RAD51B: variants seen among roughly 807,000 people sequenced by gnomAD.
RAD51B encodes DNA repair protein RAD51 homolog 2.
Under a neutral mutation model 42.2 loss-of-function variants are expected in RAD51B, and 38 were observed. That is an observed-to-expected ratio of 0.90 (90% CI 0.70 to 1.18). The LOEUF (loss-of-function observed/expected upper bound fraction) is 1.18, where lower values mean the gene tolerates loss of function less well. RAD51B is among the 50% of genes most tolerant of loss of function. RAD51B has a pLI of 0.00. For synonymous variants in RAD51B, 154 were observed against 145.2 expected (o/e 1.06, Z -0.43); for missense variants, 373 against 400.7 (o/e 0.93, Z 0.59).
At chr14:68,106,432 G>T (rs1011773079) in intron 7 of RAD51B, among the ~76,000 whole-genome samples, 1 of 151,746 alleles carries the variant, frequency 6.6e-6, no homozygotes, top group Non-Finnish European at 1.5e-5. Flanking sequence ...ATTTCCAGTT[G>T]TTCTGTCAAA....
At chr14:68,585,260 C>T (rs1054209712) in intron 10 of RAD51B, among the ~76,000 whole-genome samples, 2 of 152,246 alleles carry the variant, frequency 1.3e-5, no homozygotes, top group Non-Finnish European at 2.9e-5. Context: ...GCTGTCTCCC[C>T]ATGGGGAATT....
chr14:68,681,861 C>T (rs1267736579), intron 11 of RAD51B, among the ~76,000 whole-genome samples: 4 of 152,114 alleles, frequency 2.6e-5, no homozygotes, highest in Non-Finnish European at 5.9e-5. Flanking sequence ...TGCATACATG[C>T]CATGCATATG....
At chr14:68,405,483 T>C (rs1251404450) in intron 8 of RAD51B, among the ~76,000 whole-genome samples, 1 of 152,162 alleles carries the variant, frequency 6.6e-6, no homozygotes, top group African/African-American at 2.4e-5. Context: ...ATCATTAACT[T>C]TCAAGGCCTT....
At chr14:68,618,285 C>T (rs1891867619) in intron 10 of RAD51B, among the ~76,000 whole-genome samples, 1 of 152,150 alleles carries the variant, frequency 6.6e-6, no homozygotes, top group Non-Finnish European at 1.5e-5. Flanking sequence ...TAGTTGTGCT[C>T]AGGCAAAAAG....
rs558544768 is a variant in RAD51B, at chr14:68,091,126, A to G, written c.757-200758A>G. ...TTGTTGGACATTTGGGTTGGTCCCA[A>G]GTCTTTGCTATTGTGAATAGTGCCG... On this transcript the variant is annotated intron_variant, in intron 7 of 10. Coordinates refer to ENST00000471583, the MANE Select transcript of RAD51B (RefSeq NM_133510.4). Among the ~76,000 whole-genome samples, 16 of 152,148 alleles carry G rather than the reference A, an allele frequency of 1.1e-4. No individual in the cohort carries two copies. In the South Asian group the frequency reaches 3.3e-3, roughly 32 times the overall value.
At chr14:68,671,332 A>G (rs1893153135) in intron 11 of RAD51B, among the ~76,000 whole-genome samples, 1 of 152,200 alleles carries the variant, frequency 6.6e-6, no homozygotes, top group African/African-American at 2.4e-5. Flanking sequence ...TTACAGTGAA[A>G]AAGAAGCTTT....
At chr14:67,977,571 C>G (rs2075018906) in intron 7 of RAD51B, among the ~76,000 whole-genome samples, 1 of 152,190 alleles carries the variant, frequency 6.6e-6, no homozygotes, top group Non-Finnish European at 1.5e-5. Flanking sequence ...CTGGCCAAGC[C>G]CTTTGGCAAA....
chr14:68,518,978 C>G (rs1328724920), intron 10 of RAD51B, among the ~76,000 whole-genome samples: 2 of 152,254 alleles, frequency 1.3e-5, no homozygotes, highest in Admixed American at 1.3e-4. Flanking sequence ...CATCCGGCCA[C>G]TTCCACCCAG....
downstream of RAD51B, among the ~76,000 whole-genome samples, chr14:68,480,329 G>A (rs1346699009): frequency 1.3e-5 from 2 of 152,074 alleles, no homozygotes; most frequent in South Asian, 2.1e-4. Flanking sequence ...TGCCCTCGTC[G>A]GCCTCCCAAA....
chr14:68,295,438 GGA>G (rs764231767), intron 8 of RAD51B, among the ~76,000 whole-genome samples: 5 of 152,190 alleles, frequency 3.3e-5, no homozygotes, highest in African/African-American at 4.8e-5. Flanking sequence ...CGAGATTAAA[GGA>G]GCGTGAGAGA....
intron 4 of RAD51B, among the ~76,000 whole-genome samples, chr14:67,837,900 C>A (rs191599454): frequency 1.1e-3 from 170 of 152,300 alleles, no homozygotes; most frequent in Non-Finnish European, 1.7e-3. Context: ...ACTTATTCCT[C>A]CTGTCTTGCT....
intron 7 of RAD51B, among the ~76,000 whole-genome samples, chr14:68,084,742 T>C (rs2076959662): frequency 6.6e-6 from 1 of 152,238 alleles, no homozygotes; most frequent in Non-Finnish European, 1.5e-5. Context: ...GGTTGGTTGG[T>C]TGATTGATTC....
intron 7 of RAD51B, among the ~76,000 whole-genome samples, chr14:68,271,477 T>A (rs2081103006): frequency 6.6e-6 from 1 of 152,140 alleles, no homozygotes; most frequent in Non-Finnish European, 1.5e-5. Context: ...AAAATGAATA[T>A]TATAGCACCT....
At chr14:68,614,347 T>A (rs1291985493), downstream of RAD51B, among the ~76,000 whole-genome samples, 1 of 152,228 alleles carries the variant, frequency 6.6e-6, no homozygotes, top group African/African-American at 2.4e-5. Context: ...CAAATACTTA[T>A]TTTTTTAATT....
intron 7 of RAD51B, among the ~76,000 whole-genome samples, chr14:68,131,550 G>C (rs1446592940): frequency 6.6e-6 from 1 of 152,112 alleles, no homozygotes; most frequent in African/African-American, 2.4e-5. Context: ...ACAAAAATTA[G>C]CCAGGCGTGG....
intron 7 of RAD51B, among the ~76,000 whole-genome samples, chr14:68,052,501 G>C (rs574488539): frequency 1.3e-5 from 2 of 151,886 alleles, no homozygotes; most frequent in Admixed American, 6.6e-5. Context: ...ACTTCCTCTA[G>C]TCATTCTTTC....
chr14:68,060,602 A>G (rs989256406), intron 7 of RAD51B, among the ~76,000 whole-genome samples: 3 of 152,224 alleles, frequency 2.0e-5, no homozygotes. Context: ...GAACAAGAAG[A>G]TCTTGAAATT....
chr14:67,981,147 C>T (rs1455321191), intron 7 of RAD51B, among the ~76,000 whole-genome samples: 2 of 152,058 alleles, frequency 1.3e-5, no homozygotes, highest in Non-Finnish European at 2.9e-5. Flanking sequence ...CCCAGAAGTT[C>T]GAGACCATAA....
chr14:68,053,054 T>C (rs893565433), intron 7 of RAD51B, among the ~76,000 whole-genome samples: 13 of 152,188 alleles, frequency 8.5e-5, no homozygotes, highest in Admixed American at 2.6e-4. Context: ...GATCTTCATC[T>C]GCAGAAAAAG....
Sources: allele counts gnomAD v4.1 joint callset (sites outside exome capture counted in the v4.1 genomes callset), GRCh38; gene constraint gnomAD v4.1.1; transcripts MANE v1.5; gene names NCBI Gene and HGNC (gene_info 2026-07-23, HGNC 2026-07-21).